RDM1: variants seen among roughly 807,000 people sequenced by gnomAD.
The protein encoded by RDM1 is RAD52 motif-containing protein 1.
Under a neutral mutation model 27.7 loss-of-function variants are expected in RDM1, and 28 were observed. The observed-to-expected ratio is 1.01, with a 90% CI of 0.75 to 1.39. The LOEUF (loss-of-function observed/expected upper bound fraction) is 1.39, where lower values mean the gene tolerates loss of function less well. RDM1 is among the 40% of genes most tolerant of loss of function. RDM1 has a pLI of 0.00. For missense variants in RDM1, 277 were observed against 337.3 expected (o/e 0.82, Z 1.40); for synonymous variants, 124 against 127.5 (o/e 0.97, Z 0.19).
chr17:35,926,320 GTAGTA>G (rs2089147924), intron 2 of RDM1, among the ~76,000 whole-genome samples: 1 of 151,860 alleles, frequency 6.6e-6, no homozygotes, highest in Admixed American at 6.6e-5. Flanking sequence ...TTTTTTAAAT[GTAGTA>G]TATTATATTC....
In RDM1 at chr17:35,925,633, C is replaced by T. The variant is rs760143593; in HGVS notation, c.281G>A (p.Arg94His). 20 of 1,611,978 alleles carry T rather than the reference C, an allele frequency of 1.2e-5. No homozygotes were observed. Among genetic ancestry groups the T allele is most frequent in the Middle Eastern group, 1.7e-4 (1 of 6,048 alleles). The part of the protein sequence containing the change: ...QLFQKSPVKV[R>H]LGTRHKAVQH... ...AACTGCCTTATGTCTGGTGCCAAGACGAACCTAAAATCATAGGAGATAGAC... is the reference window on the plus strand; with the variant it reads ...AACTGCCTTATGTCTGGTGCCAAGATGAACCTAAAATCATAGGAGATAGAC... Residue 94 changes from arginine to histidine, a missense_variant, in exon 3 of 7, where the codon CGT (arginine) becomes CAT (histidine). Coordinates refer to ENST00000620284, the MANE Select transcript of RDM1 (RefSeq NM_145654.4).
chr17:35,922,710 C>T (rs1244065024), intron 4 of RDM1, 35 bp from the exon 5 acceptor site: 1 of 1,494,084 alleles, frequency 6.7e-7, no homozygotes, highest in East Asian at 2.3e-5. Context: ...TTTAAGGTGC[C>T]TATTTGAATG....
chr17:35,923,583 A>T (rs925127939), intron 4 of RDM1, among the ~76,000 whole-genome samples: 9 of 148,122 alleles, frequency 6.1e-5, no homozygotes, highest in African/African-American at 2.3e-4. Context: ...GAATCACTTG[A>T]ACCTGGGAGA....
chr17:35,923,612 G>A (rs948789510), intron 4 of RDM1, among the ~76,000 whole-genome samples: 1 of 151,854 alleles, frequency 6.6e-6, no homozygotes, highest in African/African-American at 2.4e-5. Flanking sequence ...GCTGTGAGCC[G>A]AGATCACGCC....
chr17:35,929,511 G>A (rs528579648), intron 2 of RDM1, among the ~76,000 whole-genome samples: 75 of 151,944 alleles, frequency 4.9e-4, no homozygotes, highest in Admixed American at 1.6e-3. Flanking sequence ...GCACAATCTC[G>A]GGTCACTGCA....
intron 2 of RDM1, among the ~76,000 whole-genome samples, chr17:35,927,190 C>T (rs1351220392): frequency 4.0e-5 from 6 of 151,770 alleles, no homozygotes; most frequent in South Asian, 2.1e-4. Flanking sequence ...CCTGTAATCC[C>T]GGCACTTTGG....
chr17:35,924,490 G>A (rs2089061856), intron 4 of RDM1, 114 bp downstream of exon 4: 1 of 1,151,832 alleles, frequency 8.7e-7, no homozygotes, highest in South Asian at 1.7e-5. Flanking sequence ...CAGTAGCTCA[G>A]AGAGGGAGGG....
chr17:35,918,647 C>A (rs186311661), intron 6 of RDM1, among the ~76,000 whole-genome samples: 159 of 152,272 alleles, frequency 1.0e-3, no homozygotes, highest in Non-Finnish European at 6.0e-4. Context: ...GCAATTCAGT[C>A]TGGGAGAGAA....
At position 35,930,761 on chromosome 17, in the gene RDM1, G is replaced by A. The variant is rs767520360; in HGVS notation, c.-34C>T. ...CACCGCACCTGCGCGGCTAACCCTC[G>A]CCCCAGCATTGCGCCTGCGCAAGGC... is the stretch of plus-strand genomic sequence containing the variant. On this transcript the variant is annotated 5_prime_UTR_variant, in exon 1 of 7. An upstream open reading frame in the 5' UTR gains an earlier in-frame stop. Coordinates refer to ENST00000620284, the MANE Select transcript of RDM1 (RefSeq NM_145654.4). The A allele has an allele frequency of 1.3e-6, 2 of 1,597,452 alleles. No homozygotes were observed. Among genetic ancestry groups the A allele is most frequent in the South Asian group, 1.1e-5 (1 of 90,352 alleles).
In RDM1 at chr17:35,918,138, A is replaced by G. The variant is rs2088810107; in HGVS notation, c.*204T>C. The G allele has an allele frequency of 1.7e-6, 1 of 594,580 alleles. No homozygotes were observed. The highest frequency in any genetic ancestry group is 1.9e-5 in the African/African-American group (1 of 53,698). The allele number at this position is 594,580 out of a possible 1,614,324, so 36.8% of individuals were successfully genotyped here. ...AGATCCGCTCCTCGTCACCAGGGCGATCTTATCCCACAATCCTACCCAAGC... is the reference window on the plus strand; with the variant it reads ...AGATCCGCTCCTCGTCACCAGGGCGGTCTTATCCCACAATCCTACCCAAGC... On this transcript the variant is annotated 3_prime_UTR_variant, in exon 7 of 7. Transcript: ENST00000620284.
rs549417467 is a variant in RDM1 at position 35,928,450 on chromosome 17, C to A, written c.276+1626G>T. ...GGCAGAAGACCTGGTCACACCCACA[C>A]ATTTTAAATTCACATAAAACTAAAT... On this transcript the variant is annotated intron_variant, in intron 2 of 6. Transcript: ENST00000620284. 9.9e-5 allele frequency among the ~76,000 whole-genome samples: 15 copies of A among 152,274 alleles called. No individual in the cohort carries two copies. The South Asian group carries it at 1.9e-3, about 19-fold the overall frequency.
intron 5 of RDM1, among the ~76,000 whole-genome samples, 188 bp from the exon 6 acceptor site, chr17:35,920,460 T>C (rs536813531): frequency 1.0e-4 from 15 of 148,778 alleles, no homozygotes; most frequent in Middle Eastern, 3.4e-3. Context: ...TTCTTTCTTT[T>C]TTTTTTTTTT....
At chr17:35,923,162 C>T (rs922973276) in intron 4 of RDM1, among the ~76,000 whole-genome samples, 6 of 151,824 alleles carry the variant, frequency 4.0e-5, no homozygotes, top group African/African-American at 1.5e-4. Context: ...AACAGCCTGG[C>T]GGACATGGTG....
intron 6 of RDM1, 125 bp from the exon 7 acceptor site, chr17:35,918,568 A>G (rs1598652608): frequency 2.6e-6 from 2 of 772,448 alleles, no homozygotes; most frequent in Non-Finnish European, 4.3e-6. Context: ...TCACCACTCT[A>G]TTAGGTAGGG....
intron 2 of RDM1, among the ~76,000 whole-genome samples, chr17:35,928,525 G>A: frequency 6.6e-6 from 1 of 152,182 alleles, no homozygotes; most frequent in East Asian, 1.9e-4. Flanking sequence ...CACTTTGGGA[G>A]GCTGAGGCGG....
At chr17:35,925,930 C>G (rs373371513) in intron 2 of RDM1, among the ~76,000 whole-genome samples, 4 of 151,970 alleles carry the variant, frequency 2.6e-5, no homozygotes, top group African/African-American at 7.3e-5. Flanking sequence ...GTCAGGATAT[C>G]GAGACCATCC....
chr17:35,926,529 G>A (rs1420074010), intron 2 of RDM1, among the ~76,000 whole-genome samples: 1 of 151,796 alleles, frequency 6.6e-6, no homozygotes, highest in Non-Finnish European at 1.5e-5. Flanking sequence ...TCAGCCTCCC[G>A]AGTAGTTGGG....
intron 1 of RDM1, 160 bp downstream of exon 1, chr17:35,930,472 T>C: frequency 1.1e-6 from 1 of 882,140 alleles, no homozygotes. Context: ...ACTCTAAAAA[T>C]CTGTTGGGGG....
intron 4 of RDM1, 84 bp from the exon 5 acceptor site, chr17:35,922,759 G>A (rs560533097): frequency 4.4e-6 from 5 of 1,136,772 alleles, no homozygotes; most frequent in Non-Finnish European, 6.3e-6. Flanking sequence ...AAGCATCCAC[G>A]ATTCTTAGCT....
Sources: allele counts gnomAD v4.1 joint callset (sites outside exome capture counted in the v4.1 genomes callset), GRCh38; gene constraint gnomAD v4.1.1; transcripts MANE v1.5; gene names NCBI Gene and HGNC (gene_info 2026-07-23, HGNC 2026-07-21).